KLHL1: variants seen among roughly 807,000 people sequenced by gnomAD.
The protein encoded by KLHL1 is kelch-like protein 1.
KLHL1 carries 47 observed loss-of-function variants against 77.7 expected under a neutral mutation model. The ratio of observed to expected loss-of-function variants is 0.60; its 90% CI spans 0.48 to 0.77. The LOEUF is 0.77. Ranked by LOEUF, KLHL1 falls within the 30% of genes least tolerant of loss-of-function variation. The pLI, the probability that KLHL1 is intolerant of heterozygous loss-of-function variation, is 0.00. For missense variants in KLHL1, 925 were observed against 910.8 expected (o/e 1.02, Z -0.20); for synonymous variants, 360 against 325.2 (o/e 1.11, Z -1.15).
At chr13:70,052,807 G>T (rs1023601890) in intron 1 of KLHL1, among the ~76,000 whole-genome samples, 5 of 151,778 alleles carry the variant, frequency 3.3e-5, no homozygotes, top group African/African-American at 1.2e-4. Flanking sequence ...AGCAACAAGT[G>T]CAAAGGCCTG....
chr13:69,768,672 G>C (rs1479235106), intron 7 of KLHL1, among the ~76,000 whole-genome samples: 1 of 152,064 alleles, frequency 6.6e-6, no homozygotes, highest in Non-Finnish European at 1.5e-5. Context: ...ATACATTGAT[G>C]TTGAGCAGAT....
At position 69,995,436 on chromosome 13, in the gene KLHL1, G is replaced by T. The variant is rs1885128189; in HGVS notation, c.498-19634C>A. ...GTATAGATCTTTTGTGTAGAAATCT[G>T]CATTGAGTCATCATGTATTATTATG... On this transcript the variant is annotated intron_variant, in intron 1 of 10. Transcript: ENST00000377844. 2.0e-5 allele frequency among the ~76,000 whole-genome samples: 3 copies of T among 152,144 alleles called. No homozygotes were observed. In the South Asian group the frequency reaches 6.2e-4, roughly 32 times the overall value.
At chr13:69,813,606 A>C (rs949193023) in intron 6 of KLHL1, among the ~76,000 whole-genome samples, 3 of 152,082 alleles carry the variant, frequency 2.0e-5, no homozygotes, top group African/African-American at 7.2e-5. Context: ...ATATACAAAT[A>C]ATGTTCAAGG....
At chr13:69,992,904 T>G (rs1018144480) in intron 1 of KLHL1, among the ~76,000 whole-genome samples, 1 of 149,920 alleles carries the variant, frequency 6.7e-6, no homozygotes, top group Non-Finnish European at 1.5e-5. Context: ...ACTCTTTGTA[T>G]ATAAATATGC....
intron 10 of KLHL1, among the ~76,000 whole-genome samples, chr13:69,702,815 T>C (rs1422787771): frequency 1.3e-5 from 2 of 151,752 alleles, no homozygotes; most frequent in Non-Finnish European, 3.0e-5. Context: ...TTGCATAAAA[T>C]GAGAGTAGGG....
intron 5 of KLHL1, among the ~76,000 whole-genome samples, chr13:69,857,978 C>T (rs1438685213): frequency 6.6e-6 from 1 of 152,066 alleles, no homozygotes; most frequent in South Asian, 2.1e-4. Flanking sequence ...AGGAAACATG[C>T]TATGTATTCT....
intron 1 of KLHL1, among the ~76,000 whole-genome samples, chr13:70,009,931 G>C (rs761932513): frequency 2.0e-5 from 3 of 151,734 alleles, no homozygotes; most frequent in Non-Finnish European, 4.4e-5. Flanking sequence ...ATGAAAGAGA[G>C]AAGATACCAT....
chr13:70,074,834 T>A (rs1404612720), intron 1 of KLHL1, among the ~76,000 whole-genome samples: 1 of 151,826 alleles, frequency 6.6e-6, no homozygotes, highest in African/African-American at 2.4e-5. Context: ...AATAAACAAA[T>A]TTATCACTAT....
chr13:70,084,622 CTTTTTTTTTTTTTT>C (rs71116988), intron 1 of KLHL1, among the ~76,000 whole-genome samples: 4 of 14,954 alleles, frequency 2.7e-4, no homozygotes, highest in Admixed American at 1.4e-3. Flanking sequence ...CCACGCCAGG[CTTTTTTTTTTTTTT>C]TTTTTTTTTT....
At chr13:70,087,855 G>T (rs1307761021) in intron 1 of KLHL1, among the ~76,000 whole-genome samples, 5 of 152,144 alleles carry the variant, frequency 3.3e-5, no homozygotes, top group South Asian at 2.1e-4. Context: ...CTAGGAGGAA[G>T]TAGGATTACA....
chr13:69,932,856 A>G (rs1247467980), intron 4 of KLHL1, among the ~76,000 whole-genome samples: 1 of 152,044 alleles, frequency 6.6e-6, no homozygotes, highest in Admixed American at 6.6e-5. Context: ...ATAGTGAACA[A>G]GTTCTAGGGA....
chr13:69,780,584 T>G (rs1876090090), intron 7 of KLHL1, among the ~76,000 whole-genome samples: 2 of 149,716 alleles, frequency 1.3e-5, no homozygotes. Context: ...ATTATGCTGA[T>G]TTTTTTTCAG....
At chr13:69,783,655 T>G (rs2138010245) in intron 7 of KLHL1, among the ~76,000 whole-genome samples, 1 of 142,028 alleles carries the variant, frequency 7.0e-6, no homozygotes, top group African/African-American at 2.7e-5. Flanking sequence ...GAACAAAGCC[T>G]CCAAGAAATA....
At chr13:69,906,245 G>T (rs545093343) in intron 4 of KLHL1, among the ~76,000 whole-genome samples, 1 of 152,114 alleles carries the variant, frequency 6.6e-6, no homozygotes, top group South Asian at 2.1e-4. Context: ...TGTGACTCAG[G>T]TTTCCTGGGG....
chr13:70,071,221 G>C (rs1566550573), intron 1 of KLHL1, among the ~76,000 whole-genome samples: 1 of 151,994 alleles, frequency 6.6e-6, no homozygotes, highest in Non-Finnish European at 1.5e-5. Flanking sequence ...GGCTGGAGTA[G>C]CTATATTACT....
At position 70,017,561 on chromosome 13, in the gene KLHL1, G is replaced by T. The variant is rs77147229; in HGVS notation, c.498-41759C>A. Among the ~76,000 whole-genome samples, 544 of 152,292 alleles carry T rather than the reference G, an allele frequency of 3.6e-3. 5 individuals are homozygous for T. The highest frequency in any genetic ancestry group is 0.013 in the African/African-American group (526 of 41,566). Reference sequence around the variant, plus strand: ...CCCCTCACTGCTCCACACCTGGATTGCCCTTGGCAGGTGTGGTATCTGTGC... The same window carrying T: ...CCCCTCACTGCTCCACACCTGGATTTCCCTTGGCAGGTGTGGTATCTGTGC... On this transcript the variant is annotated intron_variant, in intron 1 of 10. Transcript: ENST00000377844.
At chr13:70,095,927 T>C (rs939548160) in intron 1 of KLHL1, among the ~76,000 whole-genome samples, 1 of 152,016 alleles carries the variant, frequency 6.6e-6, no homozygotes, top group Non-Finnish European at 1.5e-5. Flanking sequence ...TTCCCAGATA[T>C]GAGTGAGAAC....
intron 2 of KLHL1, among the ~76,000 whole-genome samples, chr13:69,961,760 T>C (rs1423652122): frequency 6.6e-6 from 1 of 151,790 alleles, no homozygotes; most frequent in African/African-American, 2.4e-5. Flanking sequence ...ATGCTAACTT[T>C]CCCCCCTAAA....
chr13:69,783,758 G>A (rs145419242), intron 7 of KLHL1, among the ~76,000 whole-genome samples: 25,386 of 101,368 alleles, frequency 0.25, 4,396 homozygotes, highest in African/African-American at 0.32. Flanking sequence ...AACACTCTGC[G>A]GGATATTATC....
Sources: allele counts gnomAD v4.1 joint callset (sites outside exome capture counted in the v4.1 genomes callset), GRCh38; gene constraint gnomAD v4.1.1; transcripts MANE v1.5; gene names NCBI Gene and HGNC (gene_info 2026-07-23, HGNC 2026-07-21).